Variants in CTNNA2 observed in about 807,000 individuals in gnomAD.
The protein encoded by CTNNA2 is catenin alpha 2, also known as catenin alpha-2.
CTNNA2 carries 42 observed loss-of-function variants against 101.0 expected under a neutral mutation model. The ratio of observed to expected loss-of-function variants is 0.42; its 90% CI spans 0.32 to 0.54. The LOEUF is 0.54. CTNNA2 is among the 20% of genes least tolerant of loss of function. The pLI is 0.14. For missense variants in CTNNA2, 871 were observed against 1,223.1 expected (o/e 0.71, Z 4.29); for synonymous variants, 450 against 456.4 (o/e 0.99, Z 0.18).
intron 7 of CTNNA2, among the ~76,000 whole-genome samples, chr2:80,010,718 T>A (rs1420488183): frequency 6.0e-5 from 2 of 33,148 alleles, no homozygotes; most frequent in Non-Finnish European, 2.5e-4. Context: ...GCCATTCACT[T>A]TTTTTTTTTC....
intron 2 of CTNNA2, among the ~76,000 whole-genome samples, chr2:79,288,393 G>A (rs1675685265): frequency 6.6e-6 from 1 of 152,210 alleles, no homozygotes; most frequent in South Asian, 2.1e-4. Flanking sequence ...TCCATCATGG[G>A]TCTGTGGGTT....
At chr2:80,601,799 C>T (rs998808689) in intron 15 of CTNNA2, 1 of 151,640 alleles carries the variant, frequency 6.6e-6, no homozygotes, top group African/African-American at 2.4e-5. Context: ...TAGTTTTTTT[C>T]CAACCTCTTC....
intron 7 of CTNNA2, among the ~76,000 whole-genome samples, chr2:80,249,616 A>G (rs1412708808): frequency 6.6e-6 from 1 of 152,210 alleles, no homozygotes; most frequent in Admixed American, 6.5e-5. Flanking sequence ...TGGGTTTGAT[A>G]GGTGGCTCAC....
intron 2 of CTNNA2, among the ~76,000 whole-genome samples, chr2:79,719,666 T>G (rs2104855116): frequency 6.6e-6 from 1 of 152,296 alleles, no homozygotes; most frequent in African/African-American, 2.4e-5. Context: ...GACAATTTTT[T>G]AATATGTTTG....
chr2:80,508,502 G>T (rs1453632937), intron 9 of CTNNA2, among the ~76,000 whole-genome samples: 1 of 151,842 alleles, frequency 6.6e-6, no homozygotes, highest in Non-Finnish European at 1.5e-5. Context: ...ACAAACAAGT[G>T]TATCTTAAAG....
In CTNNA2 at chr2:80,519,481, C is replaced by T. The variant is rs150669357; in HGVS notation, c.1291-25501C>T. Among the ~76,000 whole-genome samples, 551 of 152,302 alleles carry T rather than the reference C, an allele frequency of 3.6e-3. 10 individuals carry two copies. The highest frequency in any genetic ancestry group is 0.033 in the East Asian group (172 of 5,172). On this transcript the variant is annotated intron_variant, in intron 9 of 18. Transcript: ENST00000402739. ...ATTTGGATGCTCTCTACACCCCCTTCTAGTTTTCACATCATGAGTCACTTA... is the reference window on the plus strand; with the variant it reads ...ATTTGGATGCTCTCTACACCCCCTTTTAGTTTTCACATCATGAGTCACTTA...
chr2:79,544,854 A>G (rs1220617739), intron 1 of CTNNA2, among the ~76,000 whole-genome samples: 1 of 152,092 alleles, frequency 6.6e-6, no homozygotes, highest in African/African-American at 2.4e-5. Flanking sequence ...TGACTTTGGA[A>G]GAGGAAGCAA....
At chr2:79,307,006 A>T (rs1676263299) in intron 2 of CTNNA2, among the ~76,000 whole-genome samples, 1 of 152,150 alleles carries the variant, frequency 6.6e-6, no homozygotes, top group Non-Finnish European at 1.5e-5. Flanking sequence ...TATACTCTAG[A>T]TATTAATCCT....
chr2:80,381,048 G>T (rs1033378470), intron 7 of CTNNA2, among the ~76,000 whole-genome samples: 1 of 152,024 alleles, frequency 6.6e-6, no homozygotes, highest in Non-Finnish European at 1.5e-5. Context: ...AATGCCCCAA[G>T]AGATAGTACT....
At chr2:80,489,020 G>A (rs548548375) in intron 9 of CTNNA2, among the ~76,000 whole-genome samples, 2 of 152,148 alleles carry the variant, frequency 1.3e-5, no homozygotes, top group East Asian at 1.9e-4. Flanking sequence ...ATGCAGAGTT[G>A]GTTATAAGGT....
chr2:80,142,644 C>T (rs768810330), intron 7 of CTNNA2, among the ~76,000 whole-genome samples: 20 of 152,178 alleles, frequency 1.3e-4, no homozygotes, highest in Non-Finnish European at 2.8e-4. Context: ...AGCAATGAGG[C>T]CATACAAGCT....
chr2:79,466,339 C>A (rs1324448195), intron 4 of CTNNA2, among the ~76,000 whole-genome samples: 10 of 152,170 alleles, frequency 6.6e-5, no homozygotes, highest in African/African-American at 2.4e-4. Flanking sequence ...GGAGGGGTCC[C>A]CGCCATTGCT....
At chr2:79,520,600 AC>A (rs1321350606) in intron 1 of CTNNA2, among the ~76,000 whole-genome samples, 4 of 152,346 alleles carry the variant, frequency 2.6e-5, no homozygotes, top group African/African-American at 9.6e-5. Context: ...TTGACAAAGG[AC>A]TTTATCTAGA....
chr2:80,133,047 G>A (rs901241903), intron 7 of CTNNA2, among the ~76,000 whole-genome samples: 2 of 152,126 alleles, frequency 1.3e-5, no homozygotes, highest in Non-Finnish European at 2.9e-5. Context: ...GTTAAGATGA[G>A]GTCATTAGAT....
chr2:79,333,806 T>G (rs543459693), intron 3 of CTNNA2, among the ~76,000 whole-genome samples: 1 of 152,148 alleles, frequency 6.6e-6, no homozygotes, highest in Non-Finnish European at 1.5e-5. Flanking sequence ...AATTACAATA[T>G]AAAATTAAAA....
At chr2:80,095,375 C>A (rs570402192) in intron 7 of CTNNA2, among the ~76,000 whole-genome samples, 1 of 152,142 alleles carries the variant, frequency 6.6e-6, no homozygotes, top group Non-Finnish European at 1.5e-5. Context: ...GGTGGATAAG[C>A]TTTTTGATGT....
intron 7 of CTNNA2, among the ~76,000 whole-genome samples, chr2:80,286,076 A>G (rs1674742104): frequency 6.6e-6 from 1 of 152,108 alleles, no homozygotes. Context: ...TGGTGCTCTG[A>G]TCTTCAGGCC....
intron 3 of CTNNA2, among the ~76,000 whole-genome samples, chr2:79,317,662 T>C (rs1434497209): frequency 6.6e-6 from 1 of 152,088 alleles, no homozygotes; most frequent in East Asian, 1.9e-4. Context: ...AAACAATGAA[T>C]ATCCCTTATT....
chr2:80,253,881 G>A (rs540797312), intron 7 of CTNNA2, among the ~76,000 whole-genome samples: 1 of 152,258 alleles, frequency 6.6e-6, no homozygotes, highest in South Asian at 2.1e-4. Flanking sequence ...TAGGGTTGGG[G>A]GTTGAAGTTT....
Sources: gnomAD v4.1 joint callset for allele counts (sites outside exome capture counted in the v4.1 genomes callset) on GRCh38, gnomAD v4.1.1 for gene constraint, MANE v1.5 for transcripts, NCBI Gene and HGNC (gene_info 2026-07-23, HGNC 2026-07-21) for gene names.